Variants in CTTN observed in about 807,000 individuals in gnomAD.
CTTN encodes the protein src substrate cortactin.
Under a neutral mutation model 84.0 loss-of-function variants are expected in CTTN, and 28 were observed. The ratio of observed to expected loss-of-function variants is 0.33; its 90% CI spans 0.25 to 0.46. The LOEUF (loss-of-function observed/expected upper bound fraction) is 0.46. Among genes scored for constraint, CTTN ranks in the 20% least tolerant of loss-of-function variants. CTTN has a pLI of 1.00. For missense variants in CTTN, 641 were observed against 723.8 expected (o/e 0.89, Z 1.31); for synonymous variants, 301 against 288.8 (o/e 1.04, Z -0.43).
At chr11:70,418,739 A>G (rs1048513141) in intron 8 of CTTN, among the ~76,000 whole-genome samples, 2 of 151,488 alleles carry the variant, frequency 1.3e-5, no homozygotes, top group African/African-American at 4.9e-5. Flanking sequence ...TCTGGATGCA[A>G]TGGATGATGT....
At chr11:70,419,672 CAA>C in intron 8 of CTTN, 72 bp from the exon 9 acceptor site, 1 of 1,305,972 alleles carries the variant, frequency 7.7e-7, no homozygotes, top group South Asian at 1.3e-5. Flanking sequence ...TTTTTTTAAT[CAA>C]AGGATAAAAT....
chr11:70,419,702 T>A, intron 8 of CTTN, 44 bp from the exon 9 acceptor site: 1 of 1,514,788 alleles, frequency 6.6e-7, no homozygotes, highest in African/African-American at 1.4e-5. Context: ...TGTTCACTGA[T>A]TTCGTTGCTC....
At chr11:70,415,897 T>G (rs2058152839) in intron 7 of CTTN, 180 bp downstream of exon 7, 2 of 633,566 alleles carry the variant, frequency 3.2e-6, no homozygotes, top group Non-Finnish European at 5.7e-6. Flanking sequence ...CTCTTCATGT[T>G]TCTGGATCAT....
Position 70,419,803 on chromosome 11 carries a change from G to GCGC in CTTN, c.629_631dup (p.Ala210dup). On this transcript the variant is annotated inframe_insertion, in exon 9 of 18. Transcript: ENST00000301843. Reference sequence around the variant, plus strand: ...ATCGACAAGGACAAAGTGGATAAGAGCGCCGTTGGCTTTGAGTATCAAGGC... The same window carrying GCGC: ...ATCGACAAGGACAAAGTGGATAAGAGCGCCGCCGTTGGCTTTGAGTATCAAGGC... 1 of 1,613,294 alleles carries GCGC rather than the reference G, an allele frequency of 6.2e-7. No individual in the cohort carries two copies. The highest frequency in any genetic ancestry group is 8.5e-7 in the Non-Finnish European group (1 of 1,179,872).
At chr11:70,400,218 C>T (rs1278585950) in intron 1 of CTTN, among the ~76,000 whole-genome samples, 1 of 152,134 alleles carries the variant, frequency 6.6e-6, no homozygotes, top group Non-Finnish European at 1.5e-5. Flanking sequence ...CCTGTAATCC[C>T]TGCACTTTGG....
intron 1 of CTTN, among the ~76,000 whole-genome samples, chr11:70,404,006 G>A (rs1177971988): frequency 2.0e-5 from 3 of 152,070 alleles, no homozygotes; most frequent in Admixed American, 1.3e-4. Context: ...TCAGCCTCCT[G>A]AGTAGCTGGG....
Position 70,436,038 on chromosome 11 carries a change from T to A in CTTN, c.*876T>A. On this transcript the variant is annotated 3_prime_UTR_variant, in exon 18 of 18. Transcript: ENST00000301843. Reference sequence around the variant, plus strand: ...GCAGCCTGGGGCGGTGTGTGTGCCATGTCACAGCATGGCCTCTCGGCCTTG... The same window carrying A: ...GCAGCCTGGGGCGGTGTGTGTGCCAAGTCACAGCATGGCCTCTCGGCCTTG... 2 of 1,423,534 alleles carry A rather than the reference T, an allele frequency of 1.4e-6. No individual in the cohort carries two copies. Among genetic ancestry groups the A allele is most frequent in the Non-Finnish European group, 1.8e-6 (2 of 1,094,766 alleles). 88.2% of individuals were successfully genotyped at this position (1,423,534 alleles called of 1,614,324 possible). A position where few individuals can be genotyped will look rare whatever the true frequency, so the allele number is the denominator to read the frequency against.
intron 5 of CTTN, among the ~76,000 whole-genome samples, chr11:70,414,074 G>C (rs545747642): frequency 6.6e-6 from 1 of 151,528 alleles, no homozygotes; most frequent in South Asian, 2.1e-4. Context: ...GGCTGGGCGC[G>C]GTGTCTCACG....
At chr11:70,423,537 C>T (rs779959523) in intron 12 of CTTN, among the ~76,000 whole-genome samples, 2 of 152,188 alleles carry the variant, frequency 1.3e-5, no homozygotes. Context: ...CATCCAGGGG[C>T]GTAGGCAGGC....
intron 13 of CTTN, among the ~76,000 whole-genome samples, chr11:70,428,249 C>T (rs1055309165): frequency 6.1e-5 from 9 of 148,336 alleles, no homozygotes; most frequent in Non-Finnish European, 1.0e-4. Context: ...CACTGCAACC[C>T]CTGCCTCCCA....
chr11:70,435,733 C>T lies in CTTN; in HGVS notation c.*571C>T, dbSNP rs1211092428. 19 of 1,597,880 alleles carry T rather than the reference C, an allele frequency of 1.2e-5. No homozygotes were observed. The highest frequency in any genetic ancestry group is 1.6e-5 in the Non-Finnish European group (19 of 1,179,648). ...TCTGCCTATGTCATACCGTGACAGC[C>T]CGCAGGATCAGGTGACTTCTAGCAG... is the stretch of plus-strand genomic sequence containing the variant. On this transcript the variant is annotated 3_prime_UTR_variant, in exon 18 of 18. Coordinates refer to ENST00000301843, the MANE Select transcript of CTTN (RefSeq NM_005231.4).
At chr11:70,416,936 CTT>C in intron 7 of CTTN, 75 bp from the exon 8 acceptor site, 1 of 1,026,844 alleles carries the variant, frequency 9.7e-7, no homozygotes, top group Middle Eastern at 2.0e-4. Context: ...CCCCTACACA[CTT>C]TTGCTTAGTT....
At chr11:70,412,457 G>A (rs1232418456) in intron 5 of CTTN, among the ~76,000 whole-genome samples, 6 of 152,156 alleles carry the variant, frequency 3.9e-5, no homozygotes, top group East Asian at 1.9e-4. Flanking sequence ...ATTCCAAACC[G>A]AAGGGGAAAC....
At chr11:70,411,503 A>T (rs141092010) in intron 5 of CTTN, among the ~76,000 whole-genome samples, 171 of 151,790 alleles carry the variant, frequency 1.1e-3, no homozygotes, top group African/African-American at 4.0e-3. Flanking sequence ...AGCCTTTCCC[A>T]CTGCAGACTG....
chr11:70,401,511 A>G (rs1290265614), intron 1 of CTTN, among the ~76,000 whole-genome samples: 2 of 150,914 alleles, frequency 1.3e-5, no homozygotes, highest in Non-Finnish European at 3.0e-5. Flanking sequence ...AGCTGGGTGT[A>G]GTGACAGGTG....
intron 13 of CTTN, 53 bp from the exon 14 acceptor site, chr11:70,428,998 G>A (rs1012293317): frequency 3.1e-6 from 5 of 1,604,346 alleles, no homozygotes; most frequent in Non-Finnish European, 4.3e-6. Flanking sequence ...TGTTGTCCAG[G>A]AGCAGTGTTT....
At chr11:70,418,586 GT>G (rs2058191044) in intron 8 of CTTN, among the ~76,000 whole-genome samples, 1 of 152,184 alleles carries the variant, frequency 6.6e-6, no homozygotes, top group South Asian at 2.1e-4. Flanking sequence ...TAGAACTGAA[GT>G]TTCTGGAGGA....
chr11:70,401,197 A>G (rs995165673), intron 1 of CTTN, among the ~76,000 whole-genome samples: 4 of 151,802 alleles, frequency 2.6e-5, no homozygotes, highest in Non-Finnish European at 5.9e-5. Context: ...TTGGCCGGGT[A>G]TGGTGGCTCA....
Position 70,435,569 on chromosome 11 carries a change from C to T in CTTN, c.*407C>T, listed in dbSNP as rs777612042. 2.5e-5 allele frequency: 39 copies of T among 1,564,038 alleles called. No homozygotes were observed. The African/African-American group carries it at 3.1e-4, about 12-fold the overall frequency. On this transcript the variant is annotated 3_prime_UTR_variant, in exon 18 of 18. Coordinates refer to ENST00000301843, the MANE Select transcript of CTTN (RefSeq NM_005231.4). ...ACGAGGCCTCAGGTCGGCCCTGTGGCGGGTAGGCAGGAAGGACTGTCCCAG... is the reference window on the plus strand; with the variant it reads ...ACGAGGCCTCAGGTCGGCCCTGTGGTGGGTAGGCAGGAAGGACTGTCCCAG...
Sources: allele counts gnomAD v4.1 joint callset (sites outside exome capture counted in the v4.1 genomes callset), GRCh38; gene constraint gnomAD v4.1.1; transcripts MANE v1.5; gene names NCBI Gene and HGNC (gene_info 2026-07-23, HGNC 2026-07-21).